Variants in ANK3 observed in about 807,000 individuals in gnomAD.
ANK3 encodes the protein ankyrin-3.
Under a neutral mutation model 370.9 loss-of-function variants are expected in ANK3, and 57 were observed. That is an observed-to-expected ratio of 0.15 (90% CI 0.12 to 0.19). The LOEUF (loss-of-function observed/expected upper bound fraction) is 0.19, where lower values mean the gene tolerates loss of function less well. ANK3 is among the 10% of genes least tolerant of loss of function. ANK3 has a pLI of 1.00. For synonymous variants in ANK3, 1,929 were observed against 1,946.3 expected (o/e 0.99, Z 0.23); for missense variants, 4,439 against 5,302.1 (o/e 0.84, Z 5.06).
chr10:60,368,749 G>A (rs1482094977), intron 1 of ANK3, among the ~76,000 whole-genome samples: 1 of 152,104 alleles, frequency 6.6e-6, no homozygotes, highest in Non-Finnish European at 1.5e-5. Flanking sequence ...AAATCTGCAT[G>A]GCTGAGTTTT....
chr10:60,679,827 T>C (rs1255352883), intron 1 of ANK3, among the ~76,000 whole-genome samples: 2 of 152,098 alleles, frequency 1.3e-5, no homozygotes, highest in African/African-American at 4.8e-5. Context: ...TAAATAAGCT[T>C]TCACTCTTGC....
chr10:60,637,073 T>C (rs2078564977), intron 1 of ANK3, among the ~76,000 whole-genome samples: 1 of 152,212 alleles, frequency 6.6e-6, no homozygotes, highest in Admixed American at 6.5e-5. Context: ...GCCTATGCCA[T>C]GTTGTTTCAC....
chr10:60,502,421 G>A (rs2075824355), intron 2 of ANK3, among the ~76,000 whole-genome samples: 2 of 152,222 alleles, frequency 1.3e-5, no homozygotes, highest in South Asian at 2.1e-4. Context: ...TTCTAACAGT[G>A]TGGCCCTGGT....
At chr10:60,180,363 C>T (rs968567657) in intron 18 of ANK3, among the ~76,000 whole-genome samples, 13 of 151,966 alleles carry the variant, frequency 8.6e-5, no homozygotes, top group East Asian at 1.9e-4. Flanking sequence ...TTTGGGAGGC[C>T]GAGGCATGTG....
intron 8 of ANK3, among the ~76,000 whole-genome samples, chr10:60,227,691 C>T (rs889821301): frequency 2.4e-4 from 36 of 151,972 alleles, no homozygotes; most frequent in African/African-American, 8.2e-4. Flanking sequence ...CCTTTGTATT[C>T]AATCTGTTAT....
At chr10:60,687,416 A>G (rs2079283078) in intron 1 of ANK3, among the ~76,000 whole-genome samples, 1 of 152,192 alleles carries the variant, frequency 6.6e-6, no homozygotes, top group South Asian at 2.1e-4. Context: ...TCCAAAGAAG[A>G]CACACAGATG....
At chr10:60,434,342 C>T (rs574162245) in intron 2 of ANK3, among the ~76,000 whole-genome samples, 101 of 152,238 alleles carry the variant, frequency 6.6e-4, no homozygotes, top group African/African-American at 2.4e-3. Context: ...ATATAGTCTA[C>T]TTATTATACT....
At chr10:60,436,508 G>A (rs2064161959) in intron 2 of ANK3, among the ~76,000 whole-genome samples, 1 of 152,176 alleles carries the variant, frequency 6.6e-6, no homozygotes, top group African/African-American at 2.4e-5. Flanking sequence ...TCTAGTTGGT[G>A]TAAAATGATA....
At chr10:60,615,944 G>C (rs2031802476) in intron 1 of ANK3, among the ~76,000 whole-genome samples, 1 of 152,140 alleles carries the variant, frequency 6.6e-6, no homozygotes, top group Non-Finnish European at 1.5e-5. Context: ...ATAGTAATAT[G>C]TGCAATATGC....
chr10:60,075,822 C>T lies in ANK3; in HGVS notation c.5059G>A (p.Asp1687Asn), dbSNP rs775984737. The T allele has an allele frequency of 2.5e-6, 4 of 1,614,016 alleles. No individual in the cohort carries two copies. Among genetic ancestry groups the T allele is most frequent in the Admixed American group, 1.7e-5 (1 of 59,998 alleles). The change falls in exon 37 of 44, where the codon GAT (aspartate) becomes AAT (asparagine). Residue 1687 changes from aspartate to asparagine, a missense_variant. Physicochemically the swap from Asp to Asn is conservative, Grantham distance 23. Around this residue, in one of 13 missense-constraint regions of ANK3, gnomAD observed 679 missense variants for 791.0 expected, o/e 0.86. Coordinates refer to ENST00000280772, the MANE Select transcript of ANK3 (RefSeq NM_020987.5). Reference protein sequence around the residue: ...SVVSPVKSAVDVISSAKITMA... With the variant: ...SVVSPVKSAVNVISSAKITMA... Reference sequence around the variant, plus strand: ...GTAATTTTGGCTGATGAAATGACATCAACTGCTGATTTAACTGGAGACACC... The same window carrying T: ...GTAATTTTGGCTGATGAAATGACATTAACTGCTGATTTAACTGGAGACACC...
chr10:60,246,286 A>AAAAAAAAAAAAAAAAAAAG (rs1565961708), intron 7 of ANK3, among the ~76,000 whole-genome samples: 1 of 123,462 alleles, frequency 8.1e-6, no homozygotes, highest in Non-Finnish European at 1.8e-5. Flanking sequence ...AAAAAAGAAA[A>AAAAAAAAAAAAAAAAAAAG]AAGAAAAAAA....
intron 1 of ANK3, among the ~76,000 whole-genome samples, chr10:60,632,837 G>A (rs1319812606): frequency 4.0e-5 from 6 of 151,456 alleles, no homozygotes; most frequent in African/African-American, 7.3e-5. Flanking sequence ...AGCCATGGTC[G>A]TACCACTGCA....
chr10:60,082,285 AT>A, intron 34 of ANK3, 109 bp from the exon 35 acceptor site: 1 of 1,009,786 alleles, frequency 9.9e-7, no homozygotes, highest in Non-Finnish European at 1.5e-6. Context: ...ATGCAAGCTG[AT>A]TTAGAAAGCA....
chr10:60,668,754 G>C (rs550615862), intron 1 of ANK3, among the ~76,000 whole-genome samples: 2 of 152,262 alleles, frequency 1.3e-5, no homozygotes, highest in Admixed American at 1.3e-4. Context: ...AGCACTTTGG[G>C]AGGCTGAGGC....
chr10:60,655,205 T>A (rs1002626126), intron 1 of ANK3, among the ~76,000 whole-genome samples: 18 of 143,768 alleles, frequency 1.3e-4, no homozygotes, highest in South Asian at 2.2e-4. Flanking sequence ...CCTATTTATT[T>A]AAAAAAAAAA....
At chr10:60,463,067 C>T (rs117641846) in intron 2 of ANK3, among the ~76,000 whole-genome samples, 11,495 of 152,016 alleles carry the variant, frequency 0.076, 598 homozygotes, top group South Asian at 0.17. Flanking sequence ...CCATGTTCAA[C>T]TAATTTTTGT....
At chr10:60,413,815 T>G (rs1567020432) in intron 2 of ANK3, among the ~76,000 whole-genome samples, 1 of 151,988 alleles carries the variant, frequency 6.6e-6, no homozygotes. Flanking sequence ...GGCAACATGG[T>G]GAAACCCTAT....
chr10:60,328,334 A>G (rs2050376090), intron 1 of ANK3, among the ~76,000 whole-genome samples: 1 of 152,226 alleles, frequency 6.6e-6, no homozygotes, highest in Admixed American at 6.5e-5. Context: ...TAAAAGTGTT[A>G]TTGCTAAAGA....
chr10:60,068,076 A>C, intron 37 of ANK3, 67 bp from the exon 38 acceptor site: 1 of 1,430,000 alleles, frequency 7.0e-7, no homozygotes, highest in Non-Finnish European at 9.8e-7. Context: ...AATTGCTTTT[A>C]GCAGTACGCA....
Sources: gnomAD v4.1 joint callset for allele counts (sites outside exome capture counted in the v4.1 genomes callset) on GRCh38, gnomAD v4.1.1 for gene constraint, gnomAD v4.1.1 regional missense constraint, MANE v1.5 for transcripts, NCBI Gene and HGNC (gene_info 2026-07-23, HGNC 2026-07-21) for gene names.